BPIFA1: variants seen among roughly 807,000 people sequenced by gnomAD.
BPIFA1 encodes the protein BPI fold-containing family A member 1.
Under a neutral mutation model 25.1 loss-of-function variants are expected in BPIFA1, and 24 were observed. The observed-to-expected ratio is 0.96, with a 90% CI of 0.69 to 1.35. The LOEUF (loss-of-function observed/expected upper bound fraction) is 1.35. BPIFA1 is among the 40% of genes most tolerant of loss of function. The pLI, the probability that BPIFA1 is intolerant of heterozygous loss-of-function variation, is 0.00. For missense variants in BPIFA1, 344 were observed against 303.7 expected, an observed-to-expected ratio of 1.13 and a Z score of -0.99; for synonymous variants, 139 against 131.8, an observed-to-expected ratio of 1.05 and a Z score of -0.37.
intron 5 of BPIFA1, among the ~76,000 whole-genome samples, chr20:33,240,793 A>G (rs1226114550): frequency 6.6e-6 from 1 of 152,200 alleles, no homozygotes; most frequent in Non-Finnish European, 1.5e-5. Flanking sequence ...GAATGGGGAT[A>G]GAGGGCTTCC....
chr20:33,240,230 C>T lies in BPIFA1; in HGVS notation c.429-3C>T, dbSNP rs770051057. ...GATACCAGTGGGGCTGTCTCCTTTG[C>T]AGGCCCCTGGTCGGTGCAAGTCTGT... On this transcript the variant is annotated splice_polypyrimidine_tract_variant and splice_region_variant and intron_variant, in intron 4 of 8. Transcript: ENST00000354297. 11 of 1,613,230 alleles carry T rather than the reference C, an allele frequency of 6.8e-6. No homozygotes were observed. The highest frequency in any genetic ancestry group is 9.3e-6 in the Non-Finnish European group (11 of 1,179,672).
intron 3 of BPIFA1, 140 bp downstream of exon 3, chr20:33,238,354 G>T: frequency 9.9e-7 from 1 of 1,011,874 alleles, no homozygotes. Flanking sequence ...ACTCAGTTCT[G>T]AGACCCATCT....
Position 33,240,220 on chromosome 20 carries a change from G to A in BPIFA1, c.429-13G>A, listed in dbSNP as rs536116701. The A allele has an allele frequency of 2.5e-6, 4 of 1,612,804 alleles. No individual in the cohort carries two copies. Among genetic ancestry groups the A allele is most frequent in the Non-Finnish European group, 3.4e-6 (4 of 1,179,538 alleles). On this transcript the variant is annotated splice_polypyrimidine_tract_variant and intron_variant, in intron 4 of 8. Coordinates refer to ENST00000354297, the MANE Select transcript of BPIFA1 (RefSeq NM_130852.3). ...GGTGGAGCTAGATACCAGTGGGGCT[G>A]TCTCCTTTGCAGGCCCCTGGTCGGT...
intron 8 of BPIFA1, 109 bp downstream of exon 8, chr20:33,242,670 C>G: frequency 1.3e-6 from 1 of 797,628 alleles, no homozygotes; most frequent in Non-Finnish European, 2.1e-6. Context: ...AGACAAACAT[C>G]TACAGAGGTA....
At chr20:33,241,576 C>T (rs532480424) in intron 6 of BPIFA1, 107 bp downstream of exon 6, 2 of 913,086 alleles carry the variant, frequency 2.2e-6, no homozygotes, top group African/African-American at 1.6e-5. Flanking sequence ...TGATAAGTAA[C>T]TTCCATTCAT....
chr20:33,242,002 T>G (rs908689265), intron 6 of BPIFA1, 54 bp from the exon 7 acceptor site: 9 of 1,522,910 alleles, frequency 5.9e-6, no homozygotes, highest in South Asian at 2.3e-5. Flanking sequence ...CCACTAGGGA[T>G]TCTGCTGCTC....
chr20:33,242,226 ACTCT>A (rs1180399927), intron 7 of BPIFA1, 107 bp downstream of exon 7: 4 of 1,212,470 alleles, frequency 3.3e-6, no homozygotes, highest in Non-Finnish European at 3.6e-6. Flanking sequence ...TCTGGCCTCA[ACTCT>A]CTCTATTTTG....
intron 6 of BPIFA1, 50 bp from the exon 7 acceptor site, chr20:33,242,006 G>A (rs1978999015): frequency 6.5e-7 from 1 of 1,539,012 alleles, no homozygotes; most frequent in Non-Finnish European, 9.0e-7. Context: ...TAGGGATTCT[G>A]CTGCTCCAGG....
In BPIFA1 at chr20:33,242,568, G is replaced by T. The variant is rs1979035283; in HGVS notation, c.*34+7G>T. 6.2e-7 allele frequency: 1 copy of T among 1,603,084 alleles called. No individual in the cohort carries two copies. The highest frequency in any genetic ancestry group is 1.7e-4 in the Middle Eastern group (1 of 6,032). On this transcript the variant is annotated splice_region_variant and intron_variant, in intron 8 of 8. Coordinates refer to ENST00000354297, the MANE Select transcript of BPIFA1 (RefSeq NM_130852.3). ...GCTGGCCTCTGCTGAGCTGGTAAGT[G>T]CCCTTCCCCACACCCCAGGGTTTTG... is the stretch of plus-strand genomic sequence containing the variant.
At chr20:33,242,408 C>A in intron 7 of BPIFA1, 79 bp from the exon 8 acceptor site, 1 of 1,543,782 alleles carries the variant, frequency 6.5e-7, no homozygotes, top group South Asian at 1.1e-5. Flanking sequence ...CCCTGGCCCC[C>A]CACCTTGAGG....
chr20:33,238,307 T>A, intron 3 of BPIFA1, 93 bp downstream of exon 3: 1 of 1,409,312 alleles, frequency 7.1e-7, no homozygotes, highest in Non-Finnish European at 9.5e-7. Flanking sequence ...GCAGCGACCC[T>A]GAAGCAGCGA....
rs771476301 is a variant in BPIFA1, at chr20:33,242,486, G to T, written c.731-1G>T. The T allele has an allele frequency of 9.3e-6, 15 of 1,613,882 alleles. No individual in the cohort carries two copies. The highest frequency in any genetic ancestry group is 1.1e-5 in the Non-Finnish European group (13 of 1,179,968). On this transcript the variant is annotated splice_acceptor_variant, in intron 7 of 8. Coordinates refer to ENST00000354297, the MANE Select transcript of BPIFA1 (RefSeq NM_130852.3). LOFTEE classifies it high-confidence loss of function. Reference sequence around the variant, plus strand: ...TTTTTATTGCTTGTTTGTTTGTTTAGACATGCTGATCCACGGACTACAGTT... The same window carrying T: ...TTTTTATTGCTTGTTTGTTTGTTTATACATGCTGATCCACGGACTACAGTT...
chr20:33,241,086 A>T (rs1309536845), intron 5 of BPIFA1, among the ~76,000 whole-genome samples: 1 of 152,222 alleles, frequency 6.6e-6, no homozygotes, highest in Non-Finnish European at 1.5e-5. Context: ...ATTGGATCAT[A>T]ATGACAACTA....
At chr20:33,241,276 C>T (rs934959594) in intron 5 of BPIFA1, 109 bp from the exon 6 acceptor site, 6 of 1,039,884 alleles carry the variant, frequency 5.8e-6, no homozygotes, top group South Asian at 4.0e-5. Context: ...AGACAAGGCT[C>T]GGCTTTAGTG....
intron 6 of BPIFA1, 129 bp from the exon 7 acceptor site, chr20:33,241,927 A>G (rs976071297): frequency 3.7e-6 from 3 of 807,330 alleles, no homozygotes; most frequent in Non-Finnish European, 6.2e-6. Context: ...GTGACCATTG[A>G]TCTGTGGGAT....
At position 33,236,613 on chromosome 20, in the gene BPIFA1, C is replaced by G. The variant is rs1978690686; in HGVS notation, c.-16+563C>G. On this transcript the variant is annotated intron_variant, in intron 1 of 8. Coordinates refer to ENST00000354297, the MANE Select transcript of BPIFA1 (RefSeq NM_130852.3). Reference sequence around the variant, plus strand: ...TCCAAATTGTAGGTACTAGTGCTGGCTCTGGACAACTCTGCTGGCTGCCAA... The same window carrying G: ...TCCAAATTGTAGGTACTAGTGCTGGGTCTGGACAACTCTGCTGGCTGCCAA... Among the ~76,000 whole-genome samples the G allele has an allele frequency of 2.0e-5, 3 of 152,186 alleles. No homozygotes were observed. In the South Asian group the frequency reaches 6.2e-4, roughly 32 times the overall value.
rs370407953 is a variant in BPIFA1, at chr20:33,240,251, T to A, written c.447T>A (p.Ser149Arg). The A allele has an allele frequency of 2.5e-6, 4 of 1,614,066 alleles. No individual in the cohort carries two copies. The highest frequency in any genetic ancestry group is 3.4e-6 in the Non-Finnish European group (4 of 1,179,996). Residue 149 changes from serine (S) to arginine (R), a missense_variant, in exon 5 of 9, where the codon AGT (serine) becomes AGA (arginine). Transcript: ENST00000354297. ...LQVNTPLVGA[S>R]LLRLAVKLDI... is the part of the protein sequence containing the mutation. ...TTTGCAGGCCCCTGGTCGGTGCAAGTCTGTTGAGGCTGGCTGTGAAGCTGG... is the reference window on the plus strand; with the variant it reads ...TTTGCAGGCCCCTGGTCGGTGCAAGACTGTTGAGGCTGGCTGTGAAGCTGG...
At chr20:33,237,275 C>T (rs1016792956) in intron 1 of BPIFA1, among the ~76,000 whole-genome samples, 1 of 152,160 alleles carries the variant, frequency 6.6e-6, no homozygotes. Context: ...TTGAAACTCC[C>T]AACTGCAAAC....
intron 3 of BPIFA1, among the ~76,000 whole-genome samples, chr20:33,239,165 G>A (rs1264609459): frequency 6.6e-6 from 1 of 152,150 alleles, no homozygotes; most frequent in Non-Finnish European, 1.5e-5. Flanking sequence ...ACAACAGGGT[G>A]TGATGATGGA....
Sources: allele counts gnomAD v4.1 joint callset (sites outside exome capture counted in the v4.1 genomes callset), GRCh38; gene constraint gnomAD v4.1.1; transcripts MANE v1.5; gene names NCBI Gene and HGNC (gene_info 2026-07-23, HGNC 2026-07-21).